Variants in NRG3 observed in about 807,000 individuals in gnomAD.
The protein encoded by NRG3 is neuregulin 3.
In NRG3, 31 loss-of-function variants were observed where a neutral mutation model predicts 66.9. That is an observed-to-expected ratio of 0.46 (90% confidence interval 0.35 to 0.63). The LOEUF is 0.63. NRG3 is among the 20% of genes least tolerant of loss of function. The probability of loss-of-function intolerance (pLI) is 0.00; values close to 1 mark genes in which losing one functional copy is unlikely to be tolerated. For missense variants in NRG3, 910 were observed against 878.9 expected (o/e 1.04, Z -0.45); for synonymous variants, 393 against 359.4 (o/e 1.09, Z -1.06).
intron 1 of NRG3, among the ~76,000 whole-genome samples, chr10:82,279,337 G>A (rs991483755): frequency 1.3e-5 from 2 of 152,058 alleles, no homozygotes; most frequent in African/African-American, 4.8e-5. Context: ...CCATCAAACT[G>A]GCACTACTGC....
At chr10:82,644,547 C>A (rs1337196129) in intron 2 of NRG3, among the ~76,000 whole-genome samples, 1 of 152,024 alleles carries the variant, frequency 6.6e-6, no homozygotes, top group Non-Finnish European at 1.5e-5. Flanking sequence ...AATGAGGAAA[C>A]TAGTGAGACA....
At chr10:82,775,091 G>A (rs1173505171) in intron 3 of NRG3, among the ~76,000 whole-genome samples, 1 of 151,776 alleles carries the variant, frequency 6.6e-6, no homozygotes, top group East Asian at 1.9e-4. Context: ...CTCTCAAAGT[G>A]CTGGGATTAT....
intron 2 of NRG3, among the ~76,000 whole-genome samples, chr10:82,684,660 C>A (rs1045480982): frequency 3.3e-5 from 5 of 152,102 alleles, no homozygotes; most frequent in African/African-American, 1.2e-4. Context: ...TGAATATATT[C>A]TTTGTACAGC....
intron 1 of NRG3, among the ~76,000 whole-genome samples, chr10:82,066,627 A>C (rs190107380): frequency 6.6e-6 from 1 of 152,176 alleles, no homozygotes; most frequent in Non-Finnish European, 1.5e-5. Context: ...TTAAAATTCT[A>C]TAAGATCCAT....
intron 2 of NRG3, among the ~76,000 whole-genome samples, chr10:82,390,133 G>A (rs967325790): frequency 1.8e-4 from 27 of 152,140 alleles, no homozygotes; most frequent in African/African-American, 5.5e-4. Flanking sequence ...CTGTCCACTA[G>A]TGGTATTTTT....
At chr10:82,734,049 G>A (rs1297815784) in intron 2 of NRG3, among the ~76,000 whole-genome samples, 3 of 152,178 alleles carry the variant, frequency 2.0e-5, no homozygotes, top group African/African-American at 7.2e-5. Context: ...TCCACATCCA[G>A]CCTGGGTAAT....
chr10:81,962,341 C>T (rs1850443860), intron 1 of NRG3, among the ~76,000 whole-genome samples: 1 of 152,156 alleles, frequency 6.6e-6, no homozygotes, highest in Admixed American at 6.5e-5. Context: ...ATTTCCTTTC[C>T]TCTTGCTACC....
At chr10:82,720,810 CATATATAT>C (rs5786567) in intron 2 of NRG3, among the ~76,000 whole-genome samples, 4,014 of 114,630 alleles carry the variant, frequency 0.035, 172 homozygotes, top group African/African-American at 0.053. Context: ...GTATTTTATA[CATATATAT>C]ATATATATAT....
chr10:82,550,532 G>A (rs1169373232), intron 2 of NRG3, among the ~76,000 whole-genome samples: 3 of 152,118 alleles, frequency 2.0e-5, no homozygotes, highest in African/African-American at 7.2e-5. Context: ...ATGACATAGG[G>A]TTGTCATGGG....
At chr10:82,296,104 G>A (rs1426814314) in intron 1 of NRG3, among the ~76,000 whole-genome samples, 1 of 152,090 alleles carries the variant, frequency 6.6e-6, no homozygotes, top group African/African-American at 2.4e-5. Context: ...TGAGTAACTC[G>A]GTAAAAGGTT....
intron 7 of NRG3, among the ~76,000 whole-genome samples, chr10:82,977,395 G>C (rs943306126): frequency 6.6e-6 from 1 of 152,004 alleles, no homozygotes; most frequent in African/African-American, 2.4e-5. Flanking sequence ...GATCACCTGA[G>C]GTCAGGAGTT....
intron 2 of NRG3, among the ~76,000 whole-genome samples, chr10:82,657,221 G>A (rs998763239): frequency 6.6e-6 from 1 of 151,398 alleles, no homozygotes; most frequent in African/African-American, 2.5e-5. Flanking sequence ...TTTATTTTAT[G>A]TATATTGTTT....
At chr10:82,251,320 A>G (rs1418321557) in intron 1 of NRG3, among the ~76,000 whole-genome samples, 2 of 152,124 alleles carry the variant, frequency 1.3e-5, no homozygotes, top group Non-Finnish European at 2.9e-5. Context: ...TCCTCTTGTT[A>G]AAAGAGCATG....
chr10:82,765,881 T>C (rs924813042), intron 3 of NRG3, among the ~76,000 whole-genome samples: 1 of 152,234 alleles, frequency 6.6e-6, no homozygotes, highest in African/African-American at 2.4e-5. Flanking sequence ...TTAACTGACA[T>C]AGCAAGTCAT....
chr10:82,859,886 G>A (rs2135910063), intron 3 of NRG3, among the ~76,000 whole-genome samples: 1 of 152,030 alleles, frequency 6.6e-6, no homozygotes, highest in Non-Finnish European at 1.5e-5. Flanking sequence ...AAAAATGTGG[G>A]CTTCAAATTT....
intron 2 of NRG3, among the ~76,000 whole-genome samples, chr10:82,481,372 C>T (rs1590286619): frequency 6.6e-6 from 1 of 152,114 alleles, no homozygotes; most frequent in African/African-American, 2.4e-5. Flanking sequence ...GTCTGATCCC[C>T]CTTATTTGCC....
At chr10:82,336,936 G>A (rs1413250789) in intron 1 of NRG3, among the ~76,000 whole-genome samples, 1 of 152,152 alleles carries the variant, frequency 6.6e-6, no homozygotes, top group Non-Finnish European at 1.5e-5. Flanking sequence ...CTGAAACAAA[G>A]GTCTGGGAGT....
At chr10:82,838,973 A>T (rs906208632) in intron 3 of NRG3, among the ~76,000 whole-genome samples, 1 of 152,136 alleles carries the variant, frequency 6.6e-6, no homozygotes, top group Non-Finnish European at 1.5e-5. Flanking sequence ...GTTTCCTCTT[A>T]TAAAACCATC....
chr10:81,997,745 T>C (rs1007351286), intron 1 of NRG3, among the ~76,000 whole-genome samples: 4 of 152,144 alleles, frequency 2.6e-5, no homozygotes, highest in Admixed American at 2.0e-4. Context: ...TACTCTATGA[T>C]TTTTATTAAG....
Sources: gnomAD v4.1 joint callset for allele counts (sites outside exome capture counted in the v4.1 genomes callset) on GRCh38, gnomAD v4.1.1 for gene constraint, MANE v1.5 for transcripts, NCBI Gene and HGNC (gene_info 2026-07-23, HGNC 2026-07-21) for gene names.